CDK5RAP1: variants seen among roughly 807,000 people sequenced by gnomAD.
CDK5RAP1 encodes the protein mitochondrial tRNA methylthiotransferase CDK5RAP1.
A neutral mutation model predicts 64.5 loss-of-function variants in CDK5RAP1; 62 were observed. That is an observed-to-expected ratio of 0.96 (90% CI 0.78 to 1.19). The LOEUF (loss-of-function observed/expected upper bound fraction) is 1.19, where lower values mean the gene tolerates loss of function less well. Ranked by LOEUF, CDK5RAP1 falls within the 50% of genes most tolerant of loss-of-function variation. The probability of loss-of-function intolerance (pLI) is 0.00; values close to 1 mark genes in which losing one functional copy is unlikely to be tolerated. For synonymous variants in CDK5RAP1, 250 were observed against 261.9 expected (o/e 0.95, Z 0.44); for missense variants, 657 against 735.0 (o/e 0.89, Z 1.23).
rs1987616150 is a variant in CDK5RAP1 at position 33,387,616 on chromosome 20, C to A, written c.545-83G>T. 3.5e-6 allele frequency: 4 copies of A among 1,138,662 alleles called. No individual in the cohort carries two copies. The Admixed American group carries it at 7.5e-5, about 21-fold the overall frequency. The allele number at this position is 1,138,662 out of a possible 1,614,324, so 70.5% of individuals were successfully genotyped here. On this transcript the variant is annotated intron_variant, in intron 5 of 13. Transcript: ENST00000346416. ...TCTTCTTATTCCACTTTATCTGTAG[C>A]TGGGATTAGAGACCAGGGCACAGAA...
At chr20:33,387,014 AG>A (rs11478236) in intron 6 of CDK5RAP1, among the ~76,000 whole-genome samples, 63,938 of 151,880 alleles carry the variant, frequency 0.42, 14,417 homozygotes, top group Non-Finnish European at 0.51. Flanking sequence ...TTATAATCCC[AG>A]GATTTTGGAA....
chr20:33,389,776 T>C (rs1306660521), intron 5 of CDK5RAP1, among the ~76,000 whole-genome samples: 1 of 152,046 alleles, frequency 6.6e-6, no homozygotes, highest in Non-Finnish European at 1.5e-5. Context: ...GGGGGAAATG[T>C]GGGGAAAAGA....
At chr20:33,376,333 T>A (rs1443996148) in intron 8 of CDK5RAP1, among the ~76,000 whole-genome samples, 1 of 151,582 alleles carries the variant, frequency 6.6e-6, no homozygotes, top group African/African-American at 2.4e-5. Context: ...CGAAAAAAAA[T>A]AAAAATAAAA....
At chr20:33,386,062 T>G (rs1377412398) in intron 6 of CDK5RAP1, among the ~76,000 whole-genome samples, 1 of 152,182 alleles carries the variant, frequency 6.6e-6, no homozygotes, top group Non-Finnish European at 1.5e-5. Context: ...GACTTTCTAC[T>G]GTTTTTTTGT....
At chr20:33,400,281 A>T (rs1298702314) in intron 1 of CDK5RAP1, among the ~76,000 whole-genome samples, 1 of 152,220 alleles carries the variant, frequency 6.6e-6, no homozygotes, top group African/African-American at 2.4e-5. Context: ...ACGTGTAAAG[A>T]GCAGATGTGG....
chr20:33,369,460 G>C (rs1394026865), intron 11 of CDK5RAP1, among the ~76,000 whole-genome samples: 2 of 151,066 alleles, frequency 1.3e-5, no homozygotes, highest in Non-Finnish European at 2.9e-5. Context: ...TCCAGCCTGG[G>C]CAACAGAGCG....
At chr20:33,373,086 G>A (rs1325736984) in intron 9 of CDK5RAP1, 2 of 196,094 alleles carry the variant, frequency 1.0e-5, no homozygotes, top group African/African-American at 4.8e-5. Context: ...TAGTGTGTGT[G>A]TGTGTCTGTG....
At chr20:33,368,219 C>T (rs1489457179) in intron 11 of CDK5RAP1, among the ~76,000 whole-genome samples, 2 of 152,164 alleles carry the variant, frequency 1.3e-5, no homozygotes, top group Admixed American at 6.5e-5. Context: ...GGAATTAGGT[C>T]CCAAAGTGAA....
intron 5 of CDK5RAP1, among the ~76,000 whole-genome samples, chr20:33,388,054 G>T (rs998323907): frequency 6.0e-5 from 9 of 150,148 alleles, no homozygotes; most frequent in Non-Finnish European, 1.2e-4. Context: ...GGCAACAAGG[G>T]TGAAACTCCG....
chr20:33,366,751 G>T, intron 12 of CDK5RAP1, 108 bp downstream of exon 12: 2 of 1,014,712 alleles, frequency 2.0e-6, no homozygotes, highest in Non-Finnish European at 2.8e-6. Flanking sequence ...AGAATCACTT[G>T]AGCCCAGCAG....
intron 8 of CDK5RAP1, among the ~76,000 whole-genome samples, chr20:33,376,091 G>A (rs1045544242): frequency 2.6e-5 from 4 of 152,092 alleles, no homozygotes; most frequent in Non-Finnish European, 5.9e-5. Flanking sequence ...CACTTTAGGA[G>A]GCCAAGATGG....
intron 8 of CDK5RAP1, among the ~76,000 whole-genome samples, chr20:33,377,356 C>T (rs1339398875): frequency 6.6e-6 from 1 of 152,206 alleles, no homozygotes; most frequent in Non-Finnish European, 1.5e-5. Flanking sequence ...TTAGCTAGAT[C>T]TTCTGGATAA....
intron 4 of CDK5RAP1, 105 bp downstream of exon 4, chr20:33,393,927 C>T: frequency 1.2e-6 from 1 of 816,656 alleles, no homozygotes. Flanking sequence ...GTCCTACTGC[C>T]ATGGGGCCAC....
intron 3 of CDK5RAP1, 129 bp from the exon 4 acceptor site, chr20:33,394,195 T>A (rs923176186): frequency 4.9e-6 from 3 of 611,914 alleles, no homozygotes; most frequent in African/African-American, 3.8e-5. Context: ...AGTCTCACTC[T>A]GTTTCCCAGG....
intron 7 of CDK5RAP1, among the ~76,000 whole-genome samples, chr20:33,382,136 A>G (rs1986829950): frequency 6.6e-6 from 1 of 152,206 alleles, no homozygotes; most frequent in Non-Finnish European, 1.5e-5. Context: ...AAAATGTACC[A>G]AAGAAAGATG....
intron 12 of CDK5RAP1, among the ~76,000 whole-genome samples, chr20:33,365,180 G>C (rs1212840644): frequency 6.6e-6 from 1 of 152,196 alleles, no homozygotes; most frequent in East Asian, 1.9e-4. Flanking sequence ...ACAGGCTTGA[G>C]CCACCATGCC....
chr20:33,393,656 C>CA (rs1348484152), intron 4 of CDK5RAP1, among the ~76,000 whole-genome samples: 2 of 152,112 alleles, frequency 1.3e-5, no homozygotes, highest in Admixed American at 6.6e-5. Flanking sequence ...CAAAACTCCC[C>CA]AAGCCTATGA....
chr20:33,393,619 C>T (rs1433569075), intron 4 of CDK5RAP1, among the ~76,000 whole-genome samples: 4 of 152,090 alleles, frequency 2.6e-5, no homozygotes, highest in African/African-American at 9.7e-5. Context: ...GTACGTTCAC[C>T]TCTGATGGGA....
chr20:33,395,071 T>C lies in CDK5RAP1; in HGVS notation c.350A>G (p.Glu117Gly). Reference sequence around the variant, plus strand: ...CTTCTGTAAGATGGACCAGGCTATCTCTGTGTCATTCACATTCATCTGGCA... The same window carrying C: ...CTTCTGTAAGATGGACCAGGCTATCCCTGTGTCATTCACATTCATCTGGCA... ...YGCQMNVNDT[E>G]IAWSILQKSG... Residue 117 changes from glutamate (E) to glycine (G), a missense_variant, in exon 3 of 14, where the codon GAG becomes GGG. Glu to Gly is a moderately conservative substitution (Grantham distance 98). Transcript: ENST00000346416. 1 of 1,613,844 alleles carries C rather than the reference T, an allele frequency of 6.2e-7. No homozygotes were observed. Among genetic ancestry groups the C allele is most frequent in the Non-Finnish European group, 8.5e-7 (1 of 1,179,730 alleles).
Sources: gnomAD v4.1 joint callset for allele counts (sites outside exome capture counted in the v4.1 genomes callset) on GRCh38, gnomAD v4.1.1 for gene constraint, MANE v1.5 for transcripts, NCBI Gene and HGNC (gene_info 2026-07-23, HGNC 2026-07-21) for gene names.